Variants in AGK observed in about 807,000 individuals in gnomAD.
AGK encodes the protein acylglycerol kinase, also known as acylglycerol kinase, mitochondrial.
In AGK, 52 loss-of-function variants were observed where a neutral mutation model predicts 66.4. The observed-to-expected ratio is 0.78, with a 90% confidence interval of 0.63 to 0.99. The LOEUF (loss-of-function observed/expected upper bound fraction) is 0.99, where lower values mean the gene tolerates loss of function less well. Ranked by LOEUF, AGK falls within the 50% of genes least tolerant of loss-of-function variation. The pLI, the probability that AGK is intolerant of heterozygous loss-of-function variation, is 0.00. For missense variants in AGK, 451 were observed against 506.6 expected, an observed-to-expected ratio of 0.89 and a Z score of 1.05; for synonymous variants, 182 against 181.1, an observed-to-expected ratio of 1.00 and a Z score of -0.04.
Position 141,612,249 on chromosome 7 carries a change from G to A in AGK, c.390+962G>A, listed in dbSNP as rs114701277. Among the ~76,000 whole-genome samples, 643 of 152,288 alleles carry A rather than the reference G, an allele frequency of 4.2e-3. 4 individuals carry two copies. The highest frequency in any genetic ancestry group is 0.013 in the African/African-American group (558 of 41,564). ...AAAAGACTACATACTGTGTGATTCC[G>A]ACAATTTGATATCTGGAGGAGGCAA... On this transcript the variant is annotated intron_variant, in intron 6 of 15. Coordinates refer to ENST00000649286, the MANE Select transcript of AGK (RefSeq NM_018238.4).
intron 5 of AGK, 88 bp downstream of exon 5, chr7:141,601,368 G>T: frequency 9.9e-7 from 1 of 1,006,784 alleles, no homozygotes. Context: ...AAAATTGCTT[G>T]TCACAAGAGC....
In AGK at chr7:141,642,225, T is replaced by A. The variant is rs879510579; in HGVS notation, c.975+317T>A. ...ATTCCCATTTGTCACTGGAAAAAAA[T>A]TGTGGAACTTTTAGTTGAGTAAATA... is the stretch of plus-strand genomic sequence containing the variant. On this transcript the variant is annotated intron_variant, in intron 13 of 15. Coordinates refer to ENST00000649286, the MANE Select transcript of AGK (RefSeq NM_018238.4). 1.3e-4 allele frequency among the ~76,000 whole-genome samples: 20 copies of A among 152,198 alleles called. 1 individual carries two copies. The highest frequency in any genetic ancestry group is 5.2e-4 in the Admixed American group (8 of 15,276).
At chr7:141,591,135 C>G (rs1222552193) in intron 2 of AGK, among the ~76,000 whole-genome samples, 1 of 133,626 alleles carries the variant, frequency 7.5e-6, no homozygotes, top group South Asian at 2.6e-4. Flanking sequence ...TCTGTAGCCC[C>G]AGGCTGGAGC....
chr7:141,638,862 AT>A (rs1318524594), intron 11 of AGK, among the ~76,000 whole-genome samples: 1 of 152,130 alleles, frequency 6.6e-6, no homozygotes, highest in Non-Finnish European at 1.5e-5. Flanking sequence ...TACAATTGTG[AT>A]TTAGGTCGGA....
intron 9 of AGK, among the ~76,000 whole-genome samples, chr7:141,625,847 T>C (rs150054302): frequency 8.5e-4 from 129 of 152,284 alleles, no homozygotes; most frequent in African/African-American, 3.0e-3. Flanking sequence ...AAAGTTATGA[T>C]TTTGTAGATT....
intron 10 of AGK, 29 bp downstream of exon 10, chr7:141,634,009 G>GT (rs763053454): frequency 4.4e-6 from 7 of 1,576,052 alleles, no homozygotes; most frequent in Middle Eastern, 1.7e-4. Context: ...GATGTGTGAT[G>GT]TTTTTTAAAA....
chr7:141,582,002 C>T (rs557834135), intron 2 of AGK, among the ~76,000 whole-genome samples: 16 of 152,062 alleles, frequency 1.1e-4, no homozygotes, highest in African/African-American at 2.9e-4. Flanking sequence ...AAGAAAGGGA[C>T]GGACTTACCG....
chr7:141,585,156 A>G (rs1795970015), intron 2 of AGK, among the ~76,000 whole-genome samples: 1 of 152,166 alleles, frequency 6.6e-6, no homozygotes, highest in African/African-American at 2.4e-5. Flanking sequence ...TTCTATCCAA[A>G]TGGAGATTCT....
intron 3 of AGK, among the ~76,000 whole-genome samples, chr7:141,596,338 A>AT (rs1372469450): frequency 1.3e-5 from 2 of 152,168 alleles, no homozygotes; most frequent in Non-Finnish European, 2.9e-5. Context: ...ATAAAGCAGG[A>AT]TTTTTTTATT....
At chr7:141,636,384 A>G (rs1797170523) in intron 10 of AGK, among the ~76,000 whole-genome samples, 1 of 152,230 alleles carries the variant, frequency 6.6e-6, no homozygotes, top group Non-Finnish European at 1.5e-5. Flanking sequence ...AGATGTAAAC[A>G]AATGCAGATA....
At chr7:141,596,497 G>A in intron 3 of AGK, 65 bp from the exon 4 acceptor site, 2 of 1,418,900 alleles carry the variant, frequency 1.4e-6, no homozygotes, top group Non-Finnish European at 2.0e-6. Context: ...TGGAATGAAA[G>A]AATACATGTG....
intron 2 of AGK, among the ~76,000 whole-genome samples, chr7:141,576,845 C>A (rs1221496673): frequency 6.6e-6 from 1 of 151,854 alleles, no homozygotes; most frequent in African/African-American, 2.4e-5. Context: ...CGAGACCATC[C>A]TCGCTAACAC....
chr7:141,651,473 C>A, intron 14 of AGK, 52 bp from the exon 15 acceptor site: 1 of 1,491,172 alleles, frequency 6.7e-7, no homozygotes. Flanking sequence ...TTGTTGCAAC[C>A]TAGTGCAGTT....
At chr7:141,560,481 A>G (rs1795316159) in intron 2 of AGK, among the ~76,000 whole-genome samples, 2 of 150,624 alleles carry the variant, frequency 1.3e-5, no homozygotes, top group African/African-American at 4.9e-5. Flanking sequence ...TTATTTTAAT[A>G]GTTTTTGGGG....
intron 2 of AGK, among the ~76,000 whole-genome samples, chr7:141,560,551 G>T (rs180983870): frequency 6.6e-6 from 1 of 151,780 alleles, no homozygotes; most frequent in African/African-American, 2.4e-5. Context: ...CTGAGATATT[G>T]GTGCACCCGT....
At chr7:141,600,062 T>C (rs904816859) in intron 4 of AGK, among the ~76,000 whole-genome samples, 11 of 152,206 alleles carry the variant, frequency 7.2e-5, no homozygotes, top group African/African-American at 2.7e-4. Flanking sequence ...TGTAGCTGAA[T>C]ATAAAATGTC....
chr7:141,568,436 C>T (rs1210217734), intron 2 of AGK, among the ~76,000 whole-genome samples: 2 of 152,170 alleles, frequency 1.3e-5, no homozygotes, highest in Non-Finnish European at 2.9e-5. Flanking sequence ...ACTCCCTTGG[C>T]TGAGCAGTTA....
intron 3 of AGK, among the ~76,000 whole-genome samples, chr7:141,596,221 A>G (rs1796222813): frequency 6.6e-6 from 1 of 152,224 alleles, no homozygotes; most frequent in Non-Finnish European, 1.5e-5. Context: ...AAAACTAAAG[A>G]CATAGATTAA....
intron 14 of AGK, chr7:141,650,573 T>C (rs1797531623): frequency 1.0e-6 from 1 of 985,322 alleles, no homozygotes; most frequent in Non-Finnish European, 1.2e-6. Flanking sequence ...GTTACTGTTG[T>C]TAATAAATGA....
Sources: gnomAD v4.1 joint callset for allele counts (sites outside exome capture counted in the v4.1 genomes callset) on GRCh38, gnomAD v4.1.1 for gene constraint, MANE v1.5 for transcripts, NCBI Gene and HGNC (gene_info 2026-07-23, HGNC 2026-07-21) for gene names.